NRCAM: variants seen among roughly 807,000 people sequenced by gnomAD.
NRCAM encodes the protein NgCAM-related cell adhesion molecule.
NRCAM carries 83 observed loss-of-function variants against 156.5 expected under a neutral mutation model. The ratio of observed to expected loss-of-function variants is 0.53; its 90% CI spans 0.44 to 0.64. NRCAM has a LOEUF of 0.64. Among genes scored for constraint, NRCAM ranks in the 30% least tolerant of loss-of-function variants. The pLI, the probability that NRCAM is intolerant of heterozygous loss-of-function variation, is 0.00. For missense variants in NRCAM, 1,417 were observed against 1,597.3 expected (o/e 0.89, Z 1.92); for synonymous variants, 538 against 563.9 (o/e 0.95, Z 0.65).
At chr7:108,310,257 G>A (rs1263063979) in intron 3 of NRCAM, among the ~76,000 whole-genome samples, 1 of 152,168 alleles carries the variant, frequency 6.6e-6, no homozygotes. Context: ...GTGGCCAGCA[G>A]AAAACTCATT....
chr7:108,418,196 T>C (rs371866163), intron 1 of NRCAM, among the ~76,000 whole-genome samples: 3 of 152,078 alleles, frequency 2.0e-5, no homozygotes, highest in Non-Finnish European at 4.4e-5. Context: ...TTCCCCACAG[T>C]TCAAGGCCAG....
chr7:108,298,159 A>G (rs1242677856), intron 3 of NRCAM, among the ~76,000 whole-genome samples: 3 of 152,248 alleles, frequency 2.0e-5, no homozygotes, highest in African/African-American at 7.2e-5. Context: ...TCCACGTTGC[A>G]AAGCTATACT....
At chr7:108,432,400 A>T (rs1387839634) in intron 1 of NRCAM, among the ~76,000 whole-genome samples, 1 of 152,242 alleles carries the variant, frequency 6.6e-6, no homozygotes, top group Non-Finnish European at 1.5e-5. Flanking sequence ...TTTCTACGAA[A>T]CAGTAAGCAG....
chr7:108,384,894 C>T (rs1194501336), intron 2 of NRCAM, among the ~76,000 whole-genome samples: 1 of 152,138 alleles, frequency 6.6e-6, no homozygotes, highest in East Asian at 1.9e-4. Flanking sequence ...TACTAGCTTG[C>T]CCTAGTTACC....
chr7:108,284,710 A>G (rs1472095453), intron 3 of NRCAM, among the ~76,000 whole-genome samples: 1 of 152,132 alleles, frequency 6.6e-6, no homozygotes, highest in Non-Finnish European at 1.5e-5. Flanking sequence ...CGGAACCGCA[A>G]CTGTTAGTTT....
chr7:108,405,098 T>A lies in NRCAM; in HGVS notation c.-331-5505A>T, dbSNP rs149837885. 5.6e-3 allele frequency among the ~76,000 whole-genome samples: 856 copies of A among 152,362 alleles called. 9 individuals are homozygous for A. Among genetic ancestry groups the A allele is most frequent in the African/African-American group, 0.019 (802 of 41,586 alleles). ...CCATCTGCTGCTTTAATACTTGCTATGTATATTTTCTGTCATTTCAAATTC... is the reference window on the plus strand; with the variant it reads ...CCATCTGCTGCTTTAATACTTGCTAAGTATATTTTCTGTCATTTCAAATTC... On this transcript the variant is annotated intron_variant, in intron 1 of 32. Coordinates refer to ENST00000379028, the MANE Select transcript of NRCAM (RefSeq NM_001037132.4).
chr7:108,167,848 T>A (rs73412399), intron 29 of NRCAM, among the ~76,000 whole-genome samples: 2,166 of 152,318 alleles, frequency 0.014, 59 homozygotes, highest in African/African-American at 0.05. Flanking sequence ...CGGTTTCTTA[T>A]AAAATTCTGT....
chr7:108,183,685 C>A (rs1317587636), intron 22 of NRCAM, among the ~76,000 whole-genome samples: 3 of 152,060 alleles, frequency 2.0e-5, no homozygotes, highest in Non-Finnish European at 4.4e-5. Context: ...TACAGGCATG[C>A]AGCACTACAC....
intron 30 of NRCAM, among the ~76,000 whole-genome samples, chr7:108,166,308 C>T (rs1023338743): frequency 2.0e-5 from 3 of 147,126 alleles, no homozygotes; most frequent in South Asian, 2.1e-4. Flanking sequence ...AGAGCAATGG[C>T]GCAATCTTGG....
intron 2 of NRCAM, among the ~76,000 whole-genome samples, chr7:108,335,536 G>C (rs911680583): frequency 2.0e-5 from 3 of 148,286 alleles, no homozygotes; most frequent in African/African-American, 5.0e-5. Flanking sequence ...ATGCTTGGGA[G>C]ATCTCAGATT....
At chr7:108,383,591 T>C (rs914117355) in intron 2 of NRCAM, among the ~76,000 whole-genome samples, 1 of 152,214 alleles carries the variant, frequency 6.6e-6, no homozygotes, top group East Asian at 1.9e-4. Context: ...ATCTGGCTCA[T>C]GGCGAATAGA....
chr7:108,380,863 T>C (rs2099697716), intron 2 of NRCAM, among the ~76,000 whole-genome samples: 1 of 152,142 alleles, frequency 6.6e-6, no homozygotes, highest in Non-Finnish European at 1.5e-5. Flanking sequence ...TGCTCCTGAG[T>C]ACTGGGTTAC....
intron 2 of NRCAM, among the ~76,000 whole-genome samples, chr7:108,331,331 G>T (rs943537072): frequency 6.6e-6 from 1 of 152,090 alleles, no homozygotes; most frequent in African/African-American, 2.4e-5. Context: ...AGCCCAGAAG[G>T]TCAAGGCTGC....
chr7:108,395,647 T>C (rs182140510), intron 2 of NRCAM, among the ~76,000 whole-genome samples: 8 of 152,336 alleles, frequency 5.3e-5, no homozygotes, highest in Admixed American at 4.6e-4. Context: ...CCTTGTAGAA[T>C]GCTGTTCTCT....
At chr7:108,367,136 G>T (rs1283981841) in intron 2 of NRCAM, among the ~76,000 whole-genome samples, 2 of 152,068 alleles carry the variant, frequency 1.3e-5, no homozygotes, top group Non-Finnish European at 2.9e-5. Flanking sequence ...CTAATTATGG[G>T]CATGTTAAAT....
At chr7:108,235,219 G>A (rs1430545492) in intron 5 of NRCAM, among the ~76,000 whole-genome samples, 1 of 152,174 alleles carries the variant, frequency 6.6e-6, no homozygotes, top group Non-Finnish European at 1.5e-5. Context: ...CAGGAGGTAA[G>A]TGAATGAGGA....
At chr7:108,448,095 TACTAG>T (rs1425523480) in intron 1 of NRCAM, among the ~76,000 whole-genome samples, 1 of 152,192 alleles carries the variant, frequency 6.6e-6, no homozygotes, top group African/African-American at 2.4e-5. Flanking sequence ...CAGTAACTGT[TACTAG>T]AAACGTAAAC....
intron 1 of NRCAM, among the ~76,000 whole-genome samples, chr7:108,447,958 T>C (rs915609455): frequency 6.6e-6 from 1 of 152,214 alleles, no homozygotes; most frequent in African/African-American, 2.4e-5. Flanking sequence ...TTTAAGCTAT[T>C]ACCTTTAGAG....
chr7:108,246,125 T>C (rs190473771), intron 3 of NRCAM, among the ~76,000 whole-genome samples: 2 of 152,326 alleles, frequency 1.3e-5, no homozygotes, highest in East Asian at 3.9e-4. Flanking sequence ...AGGAACGAAC[T>C]AGTTCTTTGC....
Sources: allele counts gnomAD v4.1 joint callset (sites outside exome capture counted in the v4.1 genomes callset), GRCh38; gene constraint gnomAD v4.1.1; transcripts MANE v1.5; gene names NCBI Gene and HGNC (gene_info 2026-07-23, HGNC 2026-07-21).